NRP2: variants seen among roughly 807,000 people sequenced by gnomAD.
NRP2 encodes the protein neuropilin-2.
NRP2 carries 52 observed loss-of-function variants against 110.4 expected under a neutral mutation model. That is an observed-to-expected ratio of 0.47 (90% CI 0.38 to 0.59). The LOEUF (loss-of-function observed/expected upper bound fraction) is 0.59, where lower values mean the gene tolerates loss of function less well. Ranked by LOEUF, NRP2 falls within the 20% of genes least tolerant of loss-of-function variation. The pLI, the probability that NRP2 is intolerant of heterozygous loss-of-function variation, is 0.00. For missense variants in NRP2, 1,049 were observed against 1,203.0 expected (o/e 0.87, Z 1.89); for synonymous variants, 508 against 468.9 (o/e 1.08, Z -1.08).
intron 15 of NRP2, among the ~76,000 whole-genome samples, chr2:205,785,019 A>G (rs3770996): frequency 0.38 from 57,233 of 152,070 alleles, 11,686 homozygotes; most frequent in South Asian, 0.65. Flanking sequence ...TAGCTGTAAA[A>G]TGATATCACA....
chr2:205,697,485 T>C, intron 1 of NRP2, 59 bp from the exon 2 acceptor site: 1 of 1,459,788 alleles, frequency 6.9e-7, no homozygotes, highest in Non-Finnish European at 9.6e-7. Flanking sequence ...GGAGGGAGTG[T>C]GGGGGGAAGA....
At chr2:205,786,715 TCTCAGCCCAGC>T (rs2058239735) in intron 15 of NRP2, among the ~76,000 whole-genome samples, 2 of 152,222 alleles carry the variant, frequency 1.3e-5, no homozygotes, top group African/African-American at 4.8e-5. Flanking sequence ...CATGAGGTTT[TCTCAGCCCAGC>T]CTCAGTTAAC....
intron 15 of NRP2, among the ~76,000 whole-genome samples, chr2:205,774,840 T>A (rs1014866808): frequency 1.3e-5 from 2 of 152,168 alleles, no homozygotes; most frequent in South Asian, 4.1e-4. Context: ...ATTTATTGAG[T>A]GCCTTCTTTG....
intron 7 of NRP2, among the ~76,000 whole-genome samples, chr2:205,729,530 C>A (rs755747274): frequency 2.7e-5 from 4 of 150,330 alleles, no homozygotes; most frequent in Admixed American, 2.6e-4. Flanking sequence ...AGCTAGCAGA[C>A]GAGGGCCAGA....
At position 205,767,332 on chromosome 2, in the gene NRP2, G is replaced by T. The variant is rs139958446; in HGVS notation, c.2425+529G>T. 2,411 of 479,586 alleles carry T rather than the reference G, an allele frequency of 5.0e-3. 8 individuals are homozygous for T. The highest frequency in any genetic ancestry group is 7.6e-3 in the Non-Finnish European group (1,822 of 240,192). The allele number at this position is 479,586 out of a possible 1,614,324, so 29.7% of individuals were successfully genotyped here. ...CAGTCACCATACCTCAGTGAGGTAC[G>T]GTGGCAGGCTGCTTGTAAGAGAAGG... is the stretch of plus-strand genomic sequence containing the variant. On this transcript the variant is annotated intron_variant, in intron 15 of 16. Transcript: ENST00000357785.
chr2:205,770,453 G>A (rs569095416), intron 15 of NRP2, among the ~76,000 whole-genome samples: 4 of 142,396 alleles, frequency 2.8e-5, no homozygotes, highest in South Asian at 4.8e-4. Flanking sequence ...TGTTTCTTTG[G>A]TGCCAACTGG....
chr2:205,745,901 A>G lies in NRP2; in HGVS notation c.1786+11A>G, dbSNP rs367693063. The G allele has an allele frequency of 6.8e-6, 11 of 1,613,750 alleles. No individual in the cohort carries two copies. The highest frequency in any genetic ancestry group is 7.6e-6 in the Non-Finnish European group (9 of 1,179,920). On this transcript the variant is annotated intron_variant, in intron 10 of 16. Transcript: ENST00000357785. ...GCTGTGACTGGACAGGTAAGATGAC[A>G]TTTCCTCCTCTTTGCATCTCACCCA...
At chr2:205,719,008 G>A (rs1309488713) in intron 3 of NRP2, among the ~76,000 whole-genome samples, 3 of 151,570 alleles carry the variant, frequency 2.0e-5, no homozygotes, top group Non-Finnish European at 4.4e-5. Flanking sequence ...ATTCAAAACA[G>A]AGAAGTTTAG....
At chr2:205,695,240 G>T (rs553039468) in intron 1 of NRP2, among the ~76,000 whole-genome samples, 1 of 152,144 alleles carries the variant, frequency 6.6e-6, no homozygotes, top group South Asian at 2.1e-4. Context: ...TTTTCTTTTG[G>T]TTTAACAGCA....
chr2:205,774,487 G>C (rs2058068994), intron 15 of NRP2, among the ~76,000 whole-genome samples: 1 of 152,196 alleles, frequency 6.6e-6, no homozygotes, highest in Non-Finnish European at 1.5e-5. Flanking sequence ...TGGCTGTCAA[G>C]GTGTGTGCAG....
chr2:205,698,433 C>T (rs1005288661), intron 2 of NRP2, among the ~76,000 whole-genome samples: 2 of 152,098 alleles, frequency 1.3e-5, no homozygotes, highest in Non-Finnish European at 2.9e-5. Context: ...AAAACCGAAG[C>T]ACAGAGAGGT....
At chr2:205,783,865 T>C (rs1000414938) in intron 15 of NRP2, among the ~76,000 whole-genome samples, 3 of 152,194 alleles carry the variant, frequency 2.0e-5, no homozygotes, top group Non-Finnish European at 2.9e-5. Flanking sequence ...TGTGGCTATA[T>C]AGGTCCAGTG....
At position 205,731,278 on chromosome 2, in the gene NRP2, G is replaced by A. The variant is rs138590158; in HGVS notation, c.1146+3232G>A. 1.1e-4 allele frequency among the ~76,000 whole-genome samples: 17 copies of A among 152,280 alleles called. 1 individual carries two copies. The highest frequency in any genetic ancestry group is 4.1e-4 in the African/African-American group (17 of 41,554). ...TCAGAAACCACAAGCAGAAATTACTGCTTTTGGTTTCCCCAGCTATATTAA... is the reference window on the plus strand; with the variant it reads ...TCAGAAACCACAAGCAGAAATTACTACTTTTGGTTTCCCCAGCTATATTAA... On this transcript the variant is annotated intron_variant, in intron 7 of 16. Coordinates refer to ENST00000357785, the MANE Select transcript of NRP2 (RefSeq NM_003872.3).
At chr2:205,752,681 G>A (rs549926578) in intron 11 of NRP2, 154 bp from the exon 12 acceptor site, 22 of 783,646 alleles carry the variant, frequency 2.8e-5, no homozygotes, top group African/African-American at 2.4e-4. Flanking sequence ...GAAAGCCAGC[G>A]ATCGCCAAGA....
At chr2:205,774,199 G>T (rs2058064432) in intron 15 of NRP2, among the ~76,000 whole-genome samples, 1 of 152,206 alleles carries the variant, frequency 6.6e-6, no homozygotes, top group Admixed American at 6.5e-5. Flanking sequence ...ATTGACACCA[G>T]TTGACTGTGA....
chr2:205,705,372 G>A (rs570624697), intron 2 of NRP2, among the ~76,000 whole-genome samples: 1 of 152,206 alleles, frequency 6.6e-6, no homozygotes, highest in African/African-American at 2.4e-5. Flanking sequence ...TGTTAGCTGG[G>A]TCAAAATAAA....
chr2:205,752,842 T>C lies in NRP2; in HGVS notation c.1911T>C (p.Asp637=). 6.2e-7 allele frequency: 1 copy of C among 1,614,222 alleles called. No individual in the cohort carries two copies. Residue 637 remains aspartate (D), a synonymous_variant, in exon 12 of 17, where the codon GAT becomes GAC. Transcript: ENST00000357785. ...GENCSFEDDK[D]LQLPSGFNCN... is the part of the protein sequence containing the mutation. ...ATTGTTTTCCCCTTTTAGACAAAGA[T>C]TTGCAGCTCCCTTCGGGATTCAATT... is the stretch of plus-strand genomic sequence containing the variant.
intron 1 of NRP2, among the ~76,000 whole-genome samples, chr2:205,691,350 G>A (rs2056312014): frequency 1.3e-5 from 2 of 152,284 alleles, no homozygotes; most frequent in South Asian, 4.1e-4. Context: ...AGAGTAGGTG[G>A]GATTTAGAGC....
chr2:205,709,148 A>G (rs538834565), intron 2 of NRP2, among the ~76,000 whole-genome samples: 6 of 152,354 alleles, frequency 3.9e-5, no homozygotes. Flanking sequence ...TCAGAAACAC[A>G]AGTTTGAAAT....
Sources: allele counts gnomAD v4.1 joint callset (sites outside exome capture counted in the v4.1 genomes callset), GRCh38; gene constraint gnomAD v4.1.1; transcripts MANE v1.5; gene names NCBI Gene and HGNC (gene_info 2026-07-23, HGNC 2026-07-21).